Variants in CALN1 observed in about 807,000 individuals in gnomAD.
CALN1 encodes calneuron 1, also known as calcium-binding protein 8.
CALN1 carries 17 observed loss-of-function variants against 30.6 expected under a neutral mutation model. That is an observed-to-expected ratio of 0.56 (90% confidence interval 0.38 to 0.83). The LOEUF is 0.83. CALN1 is among the 40% of genes least tolerant of loss of function. The probability of loss-of-function intolerance (pLI) is 0.00; values close to 1 mark genes in which losing one functional copy is unlikely to be tolerated. For synonymous variants in CALN1, 156 were observed against 131.4 expected (o/e 1.19, Z -1.28); for missense variants, 291 against 354.9 (o/e 0.82, Z 1.45).
At chr7:72,184,938 C>T (rs1790074510) in intron 3 of CALN1, among the ~76,000 whole-genome samples, 1 of 151,978 alleles carries the variant, frequency 6.6e-6, no homozygotes, top group Non-Finnish European at 1.5e-5. Context: ...ACTACAGGTG[C>T]ACATCAACAA....
chr7:72,322,678 AATGTGGGGG>A (rs1290697215), intron 2 of CALN1, among the ~76,000 whole-genome samples: 2 of 151,972 alleles, frequency 1.3e-5, no homozygotes, highest in Non-Finnish European at 2.9e-5. Context: ...GTAGTGGGGG[AATGTGGGGG>A]ATGTGGGGAT....
chr7:72,340,640 A>C (rs903692615), intron 2 of CALN1, among the ~76,000 whole-genome samples: 7 of 152,152 alleles, frequency 4.6e-5, no homozygotes, highest in Non-Finnish European at 1.0e-4. Context: ...GACATGCTTG[A>C]GCCACTGGTT....
chr7:72,167,524 T>C (rs1237314096), intron 3 of CALN1, among the ~76,000 whole-genome samples: 3 of 152,156 alleles, frequency 2.0e-5, no homozygotes, highest in African/African-American at 7.2e-5. Context: ...TTCGTAATTT[T>C]AGTAGAGATG....
At chr7:72,342,920 A>G (rs1031305359) in intron 2 of CALN1, among the ~76,000 whole-genome samples, 2 of 152,186 alleles carry the variant, frequency 1.3e-5, no homozygotes, top group African/African-American at 4.8e-5. Context: ...CCATCAAAGT[A>G]TGGAATCCAG....
chr7:72,157,147 TG>T (rs1787747995), intron 3 of CALN1, among the ~76,000 whole-genome samples: 1 of 152,254 alleles, frequency 6.6e-6, no homozygotes, highest in Admixed American at 6.5e-5. Context: ...ATCGATGACA[TG>T]GGAACTACTG....
At chr7:72,431,464 C>A (rs1217939840) in intron 1 of CALN1, among the ~76,000 whole-genome samples, 1 of 152,118 alleles carries the variant, frequency 6.6e-6, no homozygotes, top group South Asian at 2.1e-4. Flanking sequence ...ACTGCAGCAG[C>A]CTCTATTGCC....
the CALN1 span, among the ~76,000 whole-genome samples, chr7:72,463,090 C>T: frequency 3.3e-5 from 5 of 152,080 alleles, no homozygotes; most frequent in Non-Finnish European, 5.9e-5. Context: ...CACTGAGGCT[C>T]ACAGAGCCAG....
chr7:72,106,243 G>A lies in CALN1; in HGVS notation c.296C>T (p.Ser99Phe). 1 of 1,614,096 alleles carries A rather than the reference G, an allele frequency of 6.2e-7. No individual in the cohort carries two copies. Among genetic ancestry groups the A allele is most frequent in the Non-Finnish European group, 8.5e-7 (1 of 1,180,026 alleles). ...CATGGCCATGCCCAGCTCCTGCTTG[G>A]AGATGAAGCCGTTCCCATCCCGGTC... ...VLDRDGNGFI[S>F]KQELGMAMRS... Residue 99 changes from serine to phenylalanine, a missense_variant, in exon 4 of 7, where the codon TCC becomes TTC. Around this residue, in one of 2 missense-constraint regions of CALN1, gnomAD observed 169 missense variants for 251.7 expected, o/e 0.67. Coordinates refer to ENST00000395275, the MANE Select transcript of CALN1 (RefSeq NM_031468.4).
intron 5 of CALN1, among the ~76,000 whole-genome samples, chr7:71,909,602 C>T (rs888495854): frequency 4.6e-5 from 7 of 152,212 alleles, no homozygotes; most frequent in Non-Finnish European, 7.3e-5. Flanking sequence ...GGCAGACACT[C>T]ATCTGAACAG....
chr7:72,264,037 T>C (rs899317885), intron 3 of CALN1, among the ~76,000 whole-genome samples: 3 of 152,138 alleles, frequency 2.0e-5, no homozygotes, highest in Non-Finnish European at 4.4e-5. Context: ...CGCGGCCCAA[T>C]AAACCAAACC....
At position 72,214,310 on chromosome 7, in the gene CALN1, T is replaced by C. The variant is rs1000586352; in HGVS notation, c.244+64376A>G. ...GCCTGGCCAACATGATGAAACCCTG[T>C]CTCTACTAAAAATATAAGAATTAGC... is the stretch of plus-strand genomic sequence containing the variant. On this transcript the variant is annotated intron_variant, in intron 3 of 6. Coordinates refer to ENST00000395275, the MANE Select transcript of CALN1 (RefSeq NM_031468.4). Among the ~76,000 whole-genome samples, 5 of 152,172 alleles carry C rather than the reference T, an allele frequency of 3.3e-5. No individual in the cohort carries two copies. The East Asian group carries it at 7.7e-4, about 24-fold the overall frequency.
Position 72,221,272 on chromosome 7 carries a change from C to T in CALN1, c.244+57414G>A, listed in dbSNP as rs187505497. Among the ~76,000 whole-genome samples, 360 of 150,456 alleles carry T rather than the reference C, an allele frequency of 2.4e-3. 1 individual carries two copies. The highest frequency in any genetic ancestry group is 0.018 in the Middle Eastern group (5 of 278). On this transcript the variant is annotated intron_variant, in intron 3 of 6. Coordinates refer to ENST00000395275, the MANE Select transcript of CALN1 (RefSeq NM_031468.4). ...TATAAGAGCCCCGAAAACGTGGAGA[C>T]GCGATGCCCCAGTGTTTTCACTTAC... is the stretch of plus-strand genomic sequence containing the variant.
intron 3 of CALN1, among the ~76,000 whole-genome samples, chr7:72,226,152 G>A (rs112590205): frequency 6.6e-6 from 1 of 151,194 alleles, no homozygotes; most frequent in African/African-American, 2.4e-5. Context: ...GGCTGAGGCA[G>A]GAGAATCGCT....
intron 2 of CALN1, among the ~76,000 whole-genome samples, chr7:72,303,171 C>T (rs565355847): frequency 6.6e-6 from 1 of 151,944 alleles, no homozygotes; most frequent in Admixed American, 6.6e-5. Context: ...AAAAGGAGTC[C>T]AAGAAATGAG....
At chr7:72,268,626 C>A (rs553093260) in intron 3 of CALN1, among the ~76,000 whole-genome samples, 1 of 152,168 alleles carries the variant, frequency 6.6e-6, no homozygotes, top group East Asian at 1.9e-4. Flanking sequence ...GGCAACATGG[C>A]AAACCCTGTC....
At chr7:72,405,733 C>T (rs1354245845) in intron 1 of CALN1, among the ~76,000 whole-genome samples, 1 of 151,960 alleles carries the variant, frequency 6.6e-6, no homozygotes, top group African/African-American at 2.4e-5. Flanking sequence ...AAAAAAATGA[C>T]ATTTTATTTT....
chr7:72,425,751 AGGG>A (rs1807782364), intron 1 of CALN1, among the ~76,000 whole-genome samples: 1 of 152,200 alleles, frequency 6.6e-6, no homozygotes, highest in South Asian at 2.1e-4. Flanking sequence ...GATGACGTTA[AGGG>A]GGCTATAAAG....
At chr7:72,185,244 GATCCA>G (rs1255220574) in intron 3 of CALN1, among the ~76,000 whole-genome samples, 2 of 152,126 alleles carry the variant, frequency 1.3e-5, no homozygotes, top group East Asian at 1.9e-4. Flanking sequence ...ATGGGAAAGA[GATCCA>G]ATCTCTTTCC....
chr7:72,377,575 T>C (rs888251539), intron 2 of CALN1, among the ~76,000 whole-genome samples: 4 of 152,170 alleles, frequency 2.6e-5, no homozygotes, highest in Non-Finnish European at 5.9e-5. Context: ...GGGTTTGTTG[T>C]TGATGCTTAT....
Sources: allele counts gnomAD v4.1 joint callset (sites outside exome capture counted in the v4.1 genomes callset), GRCh38; gene constraint gnomAD v4.1.1; regional missense constraint gnomAD v4.1.1; transcripts MANE v1.5; gene names NCBI Gene and HGNC (gene_info 2026-07-23, HGNC 2026-07-21).